PLA2G10: variants seen among roughly 807,000 people sequenced by gnomAD.
PLA2G10 encodes group 10 secretory phospholipase A2.
PLA2G10 carries 9 observed loss-of-function variants against 7.9 expected under a neutral mutation model. That is an observed-to-expected ratio of 1.14 (90% CI 0.68 to 1.98). The LOEUF is 1.98. Ranked by LOEUF, PLA2G10 falls within the 30% of genes most tolerant of loss-of-function variation. The pLI, the probability that PLA2G10 is intolerant of heterozygous loss-of-function variation, is 0.00. For synonymous variants in PLA2G10, 19 were observed against 27.5 expected, an observed-to-expected ratio of 0.69 and a Z score of 0.97; for missense variants, 53 against 65.4, an observed-to-expected ratio of 0.81 and a Z score of 0.66.
chr16:14,676,013 A>G (rs1227350101), intron 3 of PLA2G10, among the ~76,000 whole-genome samples: 1 of 152,146 alleles, frequency 6.6e-6, no homozygotes, highest in East Asian at 1.9e-4. Flanking sequence ...GCAAATGAAA[A>G]AATGTTTAAC....
chr16:14,687,690 C>T (rs999025043), intron 3 of PLA2G10, among the ~76,000 whole-genome samples: 1 of 151,924 alleles, frequency 6.6e-6, no homozygotes, highest in African/African-American at 2.4e-5. Context: ...TTCAAGTCCT[C>T]ATTGTTAAAG....
At chr16:14,683,795 C>A (rs1052495588) in intron 3 of PLA2G10, among the ~76,000 whole-genome samples, 1 of 152,070 alleles carries the variant, frequency 6.6e-6, no homozygotes, top group African/African-American at 2.4e-5. Context: ...AAAACACGAG[C>A]AACAAAAGAC....
chr16:14,677,541 G>A (rs985190617), intron 3 of PLA2G10, among the ~76,000 whole-genome samples: 38 of 152,160 alleles, frequency 2.5e-4, no homozygotes, highest in African/African-American at 7.2e-4. Flanking sequence ...TAATTTTTGT[G>A]TTTTTAGTAG....
intron 3 of PLA2G10, among the ~76,000 whole-genome samples, chr16:14,684,580 C>A (rs1367708605): frequency 6.6e-6 from 1 of 151,668 alleles, no homozygotes; most frequent in African/African-American, 2.4e-5. Context: ...GCAGGAGAAT[C>A]GCTAAAACCT....
intron 3 of PLA2G10, among the ~76,000 whole-genome samples, chr16:14,687,795 G>A (rs1961134662): frequency 6.6e-6 from 1 of 151,702 alleles, no homozygotes; most frequent in Non-Finnish European, 1.5e-5. Flanking sequence ...TGGGGAGTTT[G>A]AGACCAGCCT....
At position 14,685,238 on chromosome 16, in the gene PLA2G10, G is replaced by C. The variant is rs540576675; in HGVS notation, c.355+2927C>G. ...AATACCAAAATTACCCAGGCATGGT[G>C]GTGCACGTTTGTAATCCCAGCTACT... is the stretch of plus-strand genomic sequence containing the variant. On this transcript the variant is annotated intron_variant, in intron 3 of 3. Transcript: ENST00000438167. Among the ~76,000 whole-genome samples, 7 of 152,052 alleles carry C rather than the reference G, an allele frequency of 4.6e-5. 1 individual carries two copies. In the South Asian group the frequency reaches 1.5e-3, roughly 32 times the overall value.
At chr16:14,672,801 G>A in intron 3 of PLA2G10, 52 bp from the exon 4 acceptor site, 3 of 1,577,328 alleles carry the variant, frequency 1.9e-6, no homozygotes, top group Non-Finnish European at 2.6e-6. Flanking sequence ...AGAGACTCAA[G>A]GGAAACCAGT....
chr16:14,679,817 C>T (rs897402357), intron 3 of PLA2G10, among the ~76,000 whole-genome samples: 1 of 151,832 alleles, frequency 6.6e-6, no homozygotes, highest in African/African-American at 2.4e-5. Context: ...TGCCACTGCA[C>T]CCAGCCTGGG....
intron 3 of PLA2G10, among the ~76,000 whole-genome samples, chr16:14,672,954 A>G (rs1960629357): frequency 6.6e-6 from 1 of 151,880 alleles, no homozygotes; most frequent in Non-Finnish European, 1.5e-5. Flanking sequence ...TTTCAAATGG[A>G]GAGTCCAAAG....
chr16:14,681,669 T>C (rs571470637), intron 3 of PLA2G10, among the ~76,000 whole-genome samples: 6 of 151,912 alleles, frequency 3.9e-5, no homozygotes, highest in Admixed American at 2.0e-4. Flanking sequence ...AAACCTGTAA[T>C]TAAATAAACA....
chr16:14,676,847 T>C (rs1016482425), intron 3 of PLA2G10, among the ~76,000 whole-genome samples: 1 of 152,228 alleles, frequency 6.6e-6, no homozygotes, highest in African/African-American at 2.4e-5. Context: ...ACGTCACTTA[T>C]TCTAACTGAT....
chr16:14,680,013 A>T (rs560187110), intron 3 of PLA2G10, among the ~76,000 whole-genome samples: 4 of 152,052 alleles, frequency 2.6e-5, no homozygotes, highest in Non-Finnish European at 5.9e-5. Context: ...TATTCCTAAC[A>T]TAGCAACAGA....
intron 3 of PLA2G10, among the ~76,000 whole-genome samples, chr16:14,685,629 ATACTAAGTATCAC>A (rs1961034603): frequency 6.6e-6 from 1 of 152,112 alleles, no homozygotes; most frequent in South Asian, 2.1e-4. Context: ...CATTGTGAAT[ATACTAAGTATCAC>A]TGAATTATAC....
intron 3 of PLA2G10, among the ~76,000 whole-genome samples, chr16:14,676,132 A>G (rs1960720063): frequency 6.6e-6 from 1 of 152,188 alleles, no homozygotes; most frequent in Non-Finnish European, 1.5e-5. Flanking sequence ...CCTGAATGTG[A>G]TGAAAAAAGA....
intron 3 of PLA2G10, among the ~76,000 whole-genome samples, chr16:14,674,989 T>G (rs1960687358): frequency 6.6e-6 from 1 of 152,012 alleles, no homozygotes; most frequent in South Asian, 2.1e-4. Context: ...CTGACCAACA[T>G]GGAGAAACCT....
intron 3 of PLA2G10, among the ~76,000 whole-genome samples, chr16:14,677,904 AGAAT>A (rs1326443922): frequency 2.0e-5 from 3 of 151,450 alleles, no homozygotes; most frequent in East Asian, 1.9e-4. Context: ...GATAGATGGA[AGAAT>A]GAATGGATGG....
rs1372896502 is a variant in PLA2G10 at position 14,681,910 on chromosome 16, G to A, written c.355+6255C>T. Among the ~76,000 whole-genome samples, 11 of 151,906 alleles carry A rather than the reference G, an allele frequency of 7.2e-5. 1 individual carries two copies. In the South Asian group the frequency reaches 2.3e-3, roughly 32 times the overall value. The stretch of plus-strand genomic sequence containing the variant: ...AAAGATTTTCAACAGATTTCCCACT[G>A]AAGCCTCATTTCACCTCCTCATCAC... On this transcript the variant is annotated intron_variant, in intron 3 of 3. Transcript: ENST00000438167.
chr16:14,675,225 C>G (rs1168406853), intron 3 of PLA2G10, among the ~76,000 whole-genome samples: 1 of 150,772 alleles, frequency 6.6e-6, no homozygotes, highest in Non-Finnish European at 1.5e-5. Context: ...ACACCCTATT[C>G]AATAAATAGT....
intron 3 of PLA2G10, among the ~76,000 whole-genome samples, chr16:14,676,116 C>T (rs1348401811): frequency 6.6e-6 from 1 of 152,062 alleles, no homozygotes. Context: ...TCAAAATAGA[C>T]ATTGACCTGA....
Sources: gnomAD v4.1 joint callset for allele counts (sites outside exome capture counted in the v4.1 genomes callset) on GRCh38, gnomAD v4.1.1 for gene constraint, MANE v1.5 for transcripts, NCBI Gene and HGNC (gene_info 2026-07-23, HGNC 2026-07-21) for gene names.